The following CDK14 variants were observed in gnomAD, a reference collection of about 807,000 sequenced individuals.
CDK14 encodes the protein cyclin-dependent kinase 14.
A neutral mutation model predicts 60.7 loss-of-function variants in CDK14; 34 were observed. That is an observed-to-expected ratio of 0.56 (90% confidence interval 0.43 to 0.75). The LOEUF is 0.75. Among genes scored for constraint, CDK14 ranks in the 30% least tolerant of loss-of-function variants. The pLI is 0.00. For missense variants in CDK14, 482 were observed against 564.1 expected (o/e 0.85, Z 1.47); for synonymous variants, 197 against 203.7 (o/e 0.97, Z 0.28).
intron 10 of CDK14, among the ~76,000 whole-genome samples, chr7:91,018,059 C>T (rs536026392): frequency 7.2e-5 from 11 of 152,116 alleles, no homozygotes; most frequent in East Asian, 1.9e-4. Context: ...TAACTGATGA[C>T]GTAAATGGCA....
At chr7:91,122,307 C>G (rs911414290) in intron 14 of CDK14, among the ~76,000 whole-genome samples, 4 of 152,142 alleles carry the variant, frequency 2.6e-5, no homozygotes, top group Non-Finnish European at 4.4e-5. Flanking sequence ...GTCGGACTCT[C>G]TACTTGGTCA....
At chr7:91,095,383 A>G (rs1584050681) in intron 12 of CDK14, among the ~76,000 whole-genome samples, 1 of 152,378 alleles carries the variant, frequency 6.6e-6, no homozygotes, top group East Asian at 1.9e-4. Context: ...AGGCCAGCCA[A>G]GGAATGGCCC....
intron 7 of CDK14, among the ~76,000 whole-genome samples, chr7:90,917,273 A>T (rs1793110346): frequency 6.6e-6 from 1 of 152,112 alleles, no homozygotes; most frequent in African/African-American, 2.4e-5. Flanking sequence ...TTCAAACATC[A>T]TTTTAGTCCT....
At position 90,726,717 on chromosome 7, in the gene CDK14, A is replaced by C; in HGVS notation, c.274A>C (p.Arg92=). 6.2e-7 allele frequency: 1 copy of C among 1,613,906 alleles called. No individual in the cohort carries two copies. ...PFEKPANQVK[R]VHSENNACIN... is the part of the protein sequence containing the mutation. ...TGAGAAACCAGCTAATCAAGTAAAG[A>C]GGGTGCATTCTGAGAACAATGCTTG... The change falls in exon 3 of 15, where the codon AGG becomes CGG. Residue 92 remains arginine (R), a synonymous_variant. Transcript: ENST00000380050.
At chr7:90,792,342 C>A (rs1014309398) in intron 5 of CDK14, among the ~76,000 whole-genome samples, 1 of 152,106 alleles carries the variant, frequency 6.6e-6, no homozygotes, top group Non-Finnish European at 1.5e-5. Context: ...CATATATCCA[C>A]CTGCCTATTT....
chr7:91,101,940 A>T (rs539312717), intron 12 of CDK14, among the ~76,000 whole-genome samples: 1 of 152,350 alleles, frequency 6.6e-6, no homozygotes, highest in South Asian at 2.1e-4. Context: ...AGAGGGGGTT[A>T]CATGAGCATT....
chr7:91,198,750 T>C (rs553420573), intron 14 of CDK14, among the ~76,000 whole-genome samples: 7 of 152,334 alleles, frequency 4.6e-5, no homozygotes, highest in African/African-American at 1.7e-4. Context: ...CAAAACAGGT[T>C]CAAAGTCGTA....
intron 2 of CDK14, among the ~76,000 whole-genome samples, chr7:90,672,524 T>G (rs1395371039): frequency 7.3e-6 from 1 of 137,426 alleles, no homozygotes; most frequent in South Asian, 2.4e-4. Flanking sequence ...TTTTTTTTTT[T>G]TTTTTTTTTT....
At chr7:91,186,301 C>T (rs1802191696) in intron 14 of CDK14, among the ~76,000 whole-genome samples, 1 of 123,476 alleles carries the variant, frequency 8.1e-6, no homozygotes, top group Non-Finnish European at 1.7e-5. Flanking sequence ...TCCTCCCCTC[C>T]CCTCCCCTTC....
chr7:91,054,291 C>T (rs946172631), intron 11 of CDK14, among the ~76,000 whole-genome samples: 5 of 151,946 alleles, frequency 3.3e-5, no homozygotes, highest in African/African-American at 7.3e-5. Context: ...AAAATTATTA[C>T]GTAAATATCT....
At chr7:90,995,680 G>A (rs1243675392) in intron 10 of CDK14, among the ~76,000 whole-genome samples, 1 of 152,186 alleles carries the variant, frequency 6.6e-6, no homozygotes, top group Admixed American at 6.5e-5. Flanking sequence ...TGTTTAGTGT[G>A]TGCCAGAACT....
At chr7:90,666,000 C>G (rs966429707) in intron 2 of CDK14, among the ~76,000 whole-genome samples, 45 of 152,320 alleles carry the variant, frequency 3.0e-4, no homozygotes, top group African/African-American at 9.9e-4. Context: ...TTTTCCACTG[C>G]TCTCACATCC....
intron 9 of CDK14, among the ~76,000 whole-genome samples, chr7:90,974,257 A>T (rs1175303737): frequency 6.6e-6 from 1 of 151,918 alleles, no homozygotes; most frequent in African/African-American, 2.4e-5. Context: ...AATTGCTGTT[A>T]TTCTGTTTTT....
chr7:91,057,285 A>T (rs1303564637), intron 11 of CDK14, among the ~76,000 whole-genome samples: 5 of 151,940 alleles, frequency 3.3e-5, no homozygotes, highest in Middle Eastern at 3.2e-3. Flanking sequence ...GTTTGAGTTC[A>T]TTGTAGATTC....
At chr7:91,017,281 G>A (rs1796325924) in intron 10 of CDK14, among the ~76,000 whole-genome samples, 1 of 152,172 alleles carries the variant, frequency 6.6e-6, no homozygotes, top group African/African-American at 2.4e-5. Flanking sequence ...ATTAGAGGAA[G>A]GAAGAGAAAG....
chr7:90,898,442 C>T (rs1391592979), intron 6 of CDK14, among the ~76,000 whole-genome samples: 1 of 152,072 alleles, frequency 6.6e-6, no homozygotes, highest in Non-Finnish European at 1.5e-5. Context: ...ACTTGTACTT[C>T]CTCAGTAATT....
chr7:90,749,128 G>A (rs1373573773), intron 4 of CDK14, among the ~76,000 whole-genome samples: 1 of 152,154 alleles, frequency 6.6e-6, no homozygotes, highest in Non-Finnish European at 1.5e-5. Context: ...AAAAGTAATA[G>A]TATTAATTTT....
intron 14 of CDK14, among the ~76,000 whole-genome samples, chr7:91,174,119 C>A (rs1304973709): frequency 6.6e-6 from 1 of 151,902 alleles, no homozygotes; most frequent in South Asian, 2.1e-4. Context: ...TGAGAACGGG[C>A]AGACTGCCTC....
At chr7:90,854,789 C>T (rs977673229) in intron 5 of CDK14, among the ~76,000 whole-genome samples, 1 of 151,762 alleles carries the variant, frequency 6.6e-6, no homozygotes, top group Non-Finnish European at 1.5e-5. Flanking sequence ...ATGGCCAGAC[C>T]AAGATTAAAA....
Sources: gnomAD v4.1 joint callset for allele counts (sites outside exome capture counted in the v4.1 genomes callset) on GRCh38, gnomAD v4.1.1 for gene constraint, MANE v1.5 for transcripts, NCBI Gene and HGNC (gene_info 2026-07-23, HGNC 2026-07-21) for gene names.